Variants in CCDC141 observed in about 807,000 individuals in gnomAD.
The protein encoded by CCDC141 is coiled-coil domain containing 141, also known as coiled-coil domain-containing protein 141.
A neutral mutation model predicts 181.0 loss-of-function variants in CCDC141; 168 were observed. That is an observed-to-expected ratio of 0.93 (90% CI 0.82 to 1.05). The LOEUF is 1.05. Ranked by LOEUF, CCDC141 falls within the 50% of genes least tolerant of loss-of-function variation. CCDC141 has a pLI of 0.00. For missense variants in CCDC141, 1,902 were observed against 1,788.5 expected (o/e 1.06, Z -1.14); for synonymous variants, 666 against 642.3 (o/e 1.04, Z -0.56).
At chr2:178,960,242 C>T (rs1026472167) in intron 5 of CCDC141, among the ~76,000 whole-genome samples, 13 of 152,122 alleles carry the variant, frequency 8.5e-5, no homozygotes, top group African/African-American at 2.9e-4. Flanking sequence ...AGCATATCCC[C>T]AGCACTTATG....
chr2:178,855,225 T>C, intron 19 of CCDC141, 122 bp downstream of exon 19: 2 of 762,328 alleles, frequency 2.6e-6, no homozygotes, highest in Non-Finnish European at 4.2e-6. Context: ...AAAAAAATCA[T>C]GAAAAGGAGC....
downstream of CCDC141, among the ~76,000 whole-genome samples, chr2:178,827,816 G>T (rs1684147400): frequency 6.6e-6 from 1 of 152,180 alleles, no homozygotes; most frequent in Non-Finnish European, 1.5e-5. Flanking sequence ...CACAAAGAGG[G>T]TGGCTTAAAA....
intron 22 of CCDC141, among the ~76,000 whole-genome samples, chr2:178,838,236 T>C (rs915218853): frequency 2.6e-5 from 4 of 152,184 alleles, no homozygotes; most frequent in African/African-American, 9.6e-5. Flanking sequence ...TTAAAATAAA[T>C]TGTAGTGAAA....
rs1162534613 is a variant in CCDC141 at position 178,855,362 on chromosome 2, C to T, written c.3045G>A (p.Gln1015=). Residue 1015 remains glutamine, a synonymous_variant, in exon 19 of 24, where the codon CAG becomes CAA. Coordinates refer to ENST00000443758, the MANE Select transcript of CCDC141 (RefSeq NM_173648.4). ...AAGAGAATACCTCTTCTATCACCTCCTGGAAATGCTCAGTCAGGTCCAAAT... is the reference window on the plus strand; with the variant it reads ...AAGAGAATACCTCTTCTATCACCTCTTGGAAATGCTCAGTCAGGTCCAAAT... ...KKNLDLTEHF[Q]EVIEECHFWY... is the part of the protein sequence containing the mutation. 1 of 1,609,756 alleles carries T rather than the reference C, an allele frequency of 6.2e-7. No homozygotes were observed. Among genetic ancestry groups the T allele is most frequent in the African/African-American group, 1.3e-5 (1 of 74,724 alleles).
chr2:179,031,872 A>G (rs971129142), intron 2 of CCDC141, among the ~76,000 whole-genome samples: 3 of 152,128 alleles, frequency 2.0e-5, no homozygotes, highest in Non-Finnish European at 4.4e-5. Flanking sequence ...AACTACGGAA[A>G]TACTTAGGAT....
At position 178,978,694 on chromosome 2, in the gene CCDC141, G is replaced by A; in HGVS notation, c.226-19C>T. On this transcript the variant is annotated intron_variant, in intron 2 of 23. Transcript: ENST00000443758. ...CCAAAGCCTAAGTACAAAAGAAAAA[G>A]GCATAAGGCAGGGTGTTAACTTAAT... The A allele has an allele frequency of 6.7e-7, 1 of 1,493,344 alleles. No homozygotes were observed. Among genetic ancestry groups the A allele is most frequent in the Non-Finnish European group, 8.9e-7 (1 of 1,118,194 alleles). The allele number at this position is 1,493,344 out of a possible 1,614,324, so 92.5% of individuals were successfully genotyped here. A position where few individuals can be genotyped will look rare whatever the true frequency, so the allele number is the denominator to read the frequency against.
chr2:178,992,420 C>T (rs1273095344), intron 2 of CCDC141, among the ~76,000 whole-genome samples: 2 of 146,642 alleles, frequency 1.4e-5, no homozygotes, highest in Non-Finnish European at 3.0e-5. Context: ...GAATCATGGA[C>T]CTAAGTTGTC....
chr2:178,964,936 T>G, intron 4 of CCDC141, among the ~76,000 whole-genome samples: 1 of 152,200 alleles, frequency 6.6e-6, no homozygotes, highest in East Asian at 1.9e-4. Context: ...TAATTTTCAA[T>G]CTATCTAAAA....
intron 8 of CCDC141, among the ~76,000 whole-genome samples, chr2:178,904,598 C>T (rs1156923257): frequency 6.6e-6 from 1 of 150,722 alleles, no homozygotes; most frequent in Non-Finnish European, 1.5e-5. Flanking sequence ...TTTGTTCTCT[C>T]TCTGTGAAAA....
At chr2:179,040,025 AG>A (rs1024905726) in intron 2 of CCDC141, among the ~76,000 whole-genome samples, 3 of 152,288 alleles carry the variant, frequency 2.0e-5, no homozygotes, top group African/African-American at 7.2e-5. Context: ...GTTAGGGCTG[AG>A]TGGCTGGATT....
intron 11 of CCDC141, 89 bp from the exon 12 acceptor site, chr2:178,878,232 C>T (rs1437724047): frequency 1.8e-5 from 10 of 560,016 alleles, no homozygotes; most frequent in Non-Finnish European, 2.8e-5. Context: ...CTATATAAAA[C>T]CTAAAACTAC....
At chr2:178,847,345 C>T (rs755695276) in intron 21 of CCDC141, among the ~76,000 whole-genome samples, 7 of 152,106 alleles carry the variant, frequency 4.6e-5, no homozygotes, top group Non-Finnish European at 8.8e-5. Flanking sequence ...GCTTGGGCAA[C>T]ATAGTGAGAC....
intron 18 of CCDC141, among the ~76,000 whole-genome samples, chr2:178,855,816 T>C (rs1685361318): frequency 6.6e-6 from 1 of 152,228 alleles, no homozygotes; most frequent in South Asian, 2.1e-4. Context: ...TTAAATCAAA[T>C]ACTTGTCCTC....
At chr2:178,962,293 T>A (rs905004662) in intron 4 of CCDC141, among the ~76,000 whole-genome samples, 1 of 152,120 alleles carries the variant, frequency 6.6e-6, no homozygotes. Flanking sequence ...TTGAGGAGCA[T>A]CTACACTTGG....
intron 23 of CCDC141, chr2:178,836,293 TC>T (rs1419059545): frequency 1.3e-5 from 2 of 152,526 alleles, no homozygotes; most frequent in East Asian, 3.9e-4. Context: ...TGTTTACAGC[TC>T]AGTTATTATA....
At chr2:178,957,584 T>C (rs1465511504) in intron 5 of CCDC141, among the ~76,000 whole-genome samples, 15 of 152,234 alleles carry the variant, frequency 9.9e-5, no homozygotes, top group African/African-American at 1.7e-4. Flanking sequence ...TCTATATAAA[T>C]TGAAAACTTG....
At chr2:178,928,144 CA>C (rs1467384395) in intron 6 of CCDC141, among the ~76,000 whole-genome samples, 1 of 152,142 alleles carries the variant, frequency 6.6e-6, no homozygotes, top group African/African-American at 2.4e-5. Context: ...AGTTTACTCA[CA>C]ACAGTCCTGG....
intron 5 of CCDC141, among the ~76,000 whole-genome samples, chr2:178,952,717 T>C (rs563344945): frequency 1.3e-5 from 2 of 152,372 alleles, no homozygotes; most frequent in South Asian, 4.1e-4. Context: ...TATACCAAAA[T>C]GAAATTCTGT....
chr2:178,985,708 A>G (rs1691694497), intron 2 of CCDC141, among the ~76,000 whole-genome samples: 1 of 152,232 alleles, frequency 6.6e-6, no homozygotes, highest in Non-Finnish European at 1.5e-5. Flanking sequence ...AATAAACTAG[A>G]AAATCTAGAA....
Sources: gnomAD v4.1 joint callset for allele counts (sites outside exome capture counted in the v4.1 genomes callset) on GRCh38, gnomAD v4.1.1 for gene constraint, MANE v1.5 for transcripts, NCBI Gene and HGNC (gene_info 2026-07-23, HGNC 2026-07-21) for gene names.